The following PNMA6E variants were observed in gnomAD, a reference collection of about 807,000 sequenced individuals.
The protein encoded by PNMA6E is PNMA family member 6E, also known as paraneoplastic antigen Ma6E.
For synonymous variants in PNMA6E, 43 were observed against 17.1 expected, an observed-to-expected ratio of 2.52 and a Z score of -3.74; for missense variants, 78 against 50.8, an observed-to-expected ratio of 1.53 and a Z score of -1.63.
upstream of PNMA6E, among the ~76,000 whole-genome samples, chrX:153,402,610 C>T (rs782720117): frequency 1.8e-5 from 2 of 112,003 alleles, no homozygotes; most frequent in Non-Finnish European, 3.8e-5. Context: ...AATAAATATT[C>T]CTTGATATTT....
the PNMA6E span, among the ~76,000 whole-genome samples, chrX:153,410,842 C>T: frequency 8.9e-6 from 1 of 112,150 alleles, no homozygotes; most frequent in Non-Finnish European, 1.9e-5. Flanking sequence ...TGTCAAAGGT[C>T]TCACAATTGT....
the PNMA6E span, among the ~76,000 whole-genome samples, chrX:153,411,783 G>A: frequency 3.6e-5 from 4 of 112,646 alleles, no homozygotes; most frequent in Non-Finnish European, 7.5e-5. Flanking sequence ...GTGTCGAGGG[G>A]GACGAGGGAG....
At chrX:153,410,954 G>A in the PNMA6E span, among the ~76,000 whole-genome samples, 9 of 111,522 alleles carry the variant, frequency 8.1e-5, no homozygotes, top group South Asian at 7.6e-4. Flanking sequence ...GATCCCCTCC[G>A]GTAACCTGAG....
In PNMA6E at chrX:153,396,672, G is replaced by A. The variant is rs892139712; in HGVS notation, c.*234C>T. ...CGTGGCGGCAGGGTTTGGGGCTGGG[G>A]CTGGGTGTGCTGGGTGCAAGGGAGC... is the stretch of plus-strand genomic sequence containing the variant. On this transcript the variant is annotated 3_prime_UTR_variant, in exon 2 of 2. Transcript: ENST00000445091. The A allele has an allele frequency of 2.1e-5, 5 of 241,605 alleles. No homozygotes were observed. Among genetic ancestry groups the A allele is most frequent in the African/African-American group, 1.4e-4 (5 of 35,386 alleles). 19.9% of individuals were successfully genotyped at this position (241,605 alleles called of 1,213,427 possible). A position where few individuals can be genotyped will look rare whatever the true frequency, so the allele number is the denominator to read the frequency against.
upstream of PNMA6E, among the ~76,000 whole-genome samples, chrX:153,402,941 A>G (rs907281486): frequency 2.7e-5 from 3 of 112,439 alleles, no homozygotes; most frequent in East Asian, 8.3e-4. Context: ...TTCGAGTTGC[A>G]TTTTACTGTT....
chrX:153,396,348 C>T lies in PNMA6E; in HGVS notation c.*558G>A, dbSNP rs2088804443. 2 of 118,892 alleles carry T rather than the reference C, an allele frequency of 1.7e-5. No individual in the cohort carries two copies. The highest frequency in any genetic ancestry group is 3.7e-5 in the Non-Finnish European group (2 of 53,478). The allele number at this position is 118,892 out of a possible 1,213,427, so 9.8% of individuals were successfully genotyped here. On this transcript the variant is annotated 3_prime_UTR_variant, in exon 2 of 2. Coordinates refer to ENST00000445091, the MANE Select transcript of PNMA6E (RefSeq NM_001367770.1). ...CACGTGCCCCGGGCCCAGAGGTGGC[C>T]GCCTGCATGGGCGCACAGTACATGA... is the stretch of plus-strand genomic sequence containing the variant.
chrX:153,406,222 G>A (rs939212640), upstream of PNMA6E, among the ~76,000 whole-genome samples: 4 of 112,318 alleles, frequency 3.6e-5, no homozygotes, highest in African/African-American at 9.7e-5. Flanking sequence ...GAGATTCGAC[G>A]GCATCGGCGG....
chrX:153,413,842 G>A, the PNMA6E span, among the ~76,000 whole-genome samples: 3 of 112,446 alleles, frequency 2.7e-5, no homozygotes, highest in South Asian at 1.1e-3. Context: ...GATGATTTTC[G>A]GGAACTAGCT....
At chrX:153,412,989 G>A in the PNMA6E span, among the ~76,000 whole-genome samples, 4 of 111,363 alleles carry the variant, frequency 3.6e-5, no homozygotes, top group African/African-American at 9.8e-5. Context: ...GGCCCCGGTC[G>A]ACCCATGCAG....
the PNMA6E span, among the ~76,000 whole-genome samples, chrX:153,411,430 C>CCG: frequency 8.9e-6 from 1 of 112,280 alleles, no homozygotes; most frequent in East Asian, 2.9e-4. Context: ...CATGCCCCCC[C>CCG]CACAACGCGC....
At chrX:153,410,146 T>G in the PNMA6E span, among the ~76,000 whole-genome samples, 1 of 111,102 alleles carries the variant, frequency 9.0e-6, no homozygotes, top group African/African-American at 3.3e-5. Context: ...CCCTGGGCAC[T>G]CCCCACCTTC....
chrX:153,401,972 G>C (rs901485768), upstream of PNMA6E, among the ~76,000 whole-genome samples: 8 of 108,394 alleles, frequency 7.4e-5, no homozygotes, highest in African/African-American at 1.7e-4. Flanking sequence ...CTACAGGTGC[G>C]CACTACCACG....
chrX:153,406,448 T>C, the PNMA6E span, among the ~76,000 whole-genome samples: 1 of 112,719 alleles, frequency 8.9e-6, no homozygotes, highest in Middle Eastern at 4.6e-3. Context: ...ACTCCTCTTT[T>C]GGGAGGGAAG....
At position 153,396,881 on chromosome X, in the gene PNMA6E, G is replaced by C. The variant is rs781878834; in HGVS notation, c.*25C>G. ...TCCAAGGCGCTGCTGCCTGAGAGGA[G>C]AGGAGGCCCCGGGGCCCTAGGAGCC... On this transcript the variant is annotated 3_prime_UTR_variant, in exon 2 of 2. Transcript: ENST00000445091. 2 of 296,643 alleles carry C rather than the reference G, an allele frequency of 6.7e-6. No individual in the cohort carries two copies. The highest frequency in any genetic ancestry group is 9.5e-5 in the East Asian group (2 of 20,947). The allele number at this position is 296,643 out of a possible 1,213,427, so 24.4% of individuals were successfully genotyped here. A position where few individuals can be genotyped will look rare whatever the true frequency, so the allele number is the denominator to read the frequency against.
At position 153,397,629 on chromosome X, in the gene PNMA6E, C is replaced by A; in HGVS notation, c.1221G>T (p.Ser407=). 6.7e-6 allele frequency: 2 copies of A among 299,395 alleles called. No homozygotes were observed. Among genetic ancestry groups the A allele is most frequent in the Non-Finnish European group, 1.2e-5 (2 of 171,238 alleles). The allele number at this position is 299,395 out of a possible 1,213,427, so 24.7% of individuals were successfully genotyped here. Residue 407 remains serine, a synonymous_variant, in exon 2 of 2, where the codon TCG becomes TCT. Transcript: ENST00000445091. Reference sequence around the variant, plus strand: ...GCGTGCAGGTCAGGAACTTCAGCCTCGAAGTCATTCGAGTGTCCTGGTTCC... The same window carrying A: ...GCGTGCAGGTCAGGAACTTCAGCCTAGAAGTCATTCGAGTGTCCTGGTTCC... ...VFRNQDTRMT[S]RLKFLTCTQG... is the part of the protein sequence containing the mutation.
intron 1 of PNMA6E, among the ~76,000 whole-genome samples, chrX:153,399,992 C>G (rs1173795073): frequency 8.9e-6 from 1 of 112,365 alleles, no homozygotes; most frequent in African/African-American, 3.2e-5. Context: ...TTCAAAATAT[C>G]TAGACATATG....
chrX:153,409,470 C>G, the PNMA6E span, among the ~76,000 whole-genome samples: 1 of 113,293 alleles, frequency 8.8e-6, no homozygotes, highest in East Asian at 2.8e-4. Context: ...CCCTGTCATC[C>G]TCTCTAGGTT....
the PNMA6E span, among the ~76,000 whole-genome samples, chrX:153,410,829 A>C: frequency 9.0e-6 from 1 of 111,663 alleles, no homozygotes; most frequent in Non-Finnish European, 1.9e-5. Context: ...ACGCTTCACT[A>C]TTTGTCAAAG....
At chrX:153,409,328 G>A in the PNMA6E span, among the ~76,000 whole-genome samples, 2 of 112,690 alleles carry the variant, frequency 1.8e-5, no homozygotes, top group Non-Finnish European at 3.8e-5. Context: ...TTTGCTGCCC[G>A]GGAGGCCCTG....
Sources: allele counts gnomAD v4.1 joint callset (sites outside exome capture counted in the v4.1 genomes callset), GRCh38; gene constraint gnomAD v4.1.1; transcripts MANE v1.5; gene names NCBI Gene and HGNC (gene_info 2026-07-23, HGNC 2026-07-21).